AEBP2: variants seen among roughly 807,000 people sequenced by gnomAD.
AEBP2 encodes AE binding protein 2.
In AEBP2, 10 loss-of-function variants were observed where a neutral mutation model predicts 50.8. That is an observed-to-expected ratio of 0.20 (90% confidence interval 0.12 to 0.33). The LOEUF (loss-of-function observed/expected upper bound fraction) is 0.33, where lower values mean the gene tolerates loss of function less well. Among genes scored for constraint, AEBP2 ranks in the 10% least tolerant of loss-of-function variants. AEBP2 has a pLI of 1.00. For synonymous variants in AEBP2, 296 were observed against 261.3 expected (o/e 1.13, Z -1.28); for missense variants, 570 against 688.0 (o/e 0.83, Z 1.92).
At chr12:19,469,712 G>T (rs1337054242) in intron 2 of AEBP2, among the ~76,000 whole-genome samples, 1 of 152,204 alleles carries the variant, frequency 6.6e-6, no homozygotes, top group Non-Finnish European at 1.5e-5. Flanking sequence ...CTCCAGAGCA[G>T]CTGGGATTCT....
chr12:19,483,353 G>C (rs1948758320), intron 3 of AEBP2, among the ~76,000 whole-genome samples: 1 of 152,114 alleles, frequency 6.6e-6, no homozygotes, highest in Non-Finnish European at 1.5e-5. Context: ...CCCATGATCT[G>C]GATTTTCAGA....
chr12:19,413,123 C>A (rs975842844), intron 1 of AEBP2: 53 of 696,390 alleles, frequency 7.6e-5, no homozygotes, highest in Non-Finnish European at 1.3e-4. Flanking sequence ...TTCCGGAATT[C>A]ATTTGTTCTG....
intron 1 of AEBP2, among the ~76,000 whole-genome samples, chr12:19,447,539 A>G (rs1318658007): frequency 6.6e-6 from 1 of 152,242 alleles, no homozygotes; most frequent in Non-Finnish European, 1.5e-5. Flanking sequence ...AACCGTCACT[A>G]GAATAACTAA....
intron 3 of AEBP2, among the ~76,000 whole-genome samples, chr12:19,478,455 C>T (rs145041258): frequency 2.6e-5 from 4 of 152,232 alleles, no homozygotes; most frequent in South Asian, 4.1e-4. Context: ...GGCCACCACA[C>T]CCAGCTAAGT....
chr12:19,503,814 G>T (rs1041349251), intron 5 of AEBP2, among the ~76,000 whole-genome samples: 2 of 151,776 alleles, frequency 1.3e-5, no homozygotes, highest in African/African-American at 4.8e-5. Context: ...GAGCCACCAC[G>T]CCCTACTGAT....
At chr12:19,509,918 C>T (rs1156524790) in intron 5 of AEBP2, among the ~76,000 whole-genome samples, 3 of 145,058 alleles carry the variant, frequency 2.1e-5, no homozygotes, top group South Asian at 2.2e-4. Flanking sequence ...CTGTAGCTTC[C>T]GCTGCCCAGG....
chr12:19,512,745 C>G (rs573879670), intron 6 of AEBP2, among the ~76,000 whole-genome samples: 3 of 151,462 alleles, frequency 2.0e-5, no homozygotes, highest in Non-Finnish European at 2.9e-5. Flanking sequence ...GCCGGCAGTT[C>G]GAGACCAGCC....
rs1947916344 is a variant in AEBP2, at chr12:19,439,940, A to C, written c.241A>C (p.Thr81Pro). The C allele has an allele frequency of 6.6e-7, 1 of 1,512,260 alleles. No homozygotes were observed. Among genetic ancestry groups the C allele is most frequent in the African/African-American group, 1.5e-5 (1 of 68,156 alleles). The allele number at this position is 1,512,260 out of a possible 1,614,324, so 93.7% of individuals were successfully genotyped here. A position where few individuals can be genotyped will look rare whatever the true frequency, so the allele number is the denominator to read the frequency against. The change falls in exon 1 of 8, where the codon ACG (threonine) becomes CCG (proline). Residue 81 changes from threonine (T) to proline (P), a missense_variant. Thr to Pro is a conservative substitution (Grantham distance 38). Transcript: ENST00000266508. ...GGGVGGGEAE[T>P]MSEPSPESAS... The stretch of plus-strand genomic sequence containing the variant: ...AGGAGTGGGGGGCGGCGAGGCAGAG[A>C]CGATGTCGGAGCCGAGCCCCGAGAG...
At chr12:19,492,506 A>G (rs1042520958) in intron 3 of AEBP2, among the ~76,000 whole-genome samples, 5 of 152,304 alleles carry the variant, frequency 3.3e-5, no homozygotes, top group African/African-American at 9.6e-5. Context: ...AACACTGAGC[A>G]TGTCTTTTCT....
chr12:19,422,856 G>A (rs979291754), intron 1 of AEBP2, among the ~76,000 whole-genome samples: 12 of 151,750 alleles, frequency 7.9e-5, no homozygotes, highest in African/African-American at 2.4e-4. Context: ...CTGAGGTCAG[G>A]AGTTCGAGAC....
chr12:19,453,161 G>A (rs981618958), intron 1 of AEBP2, among the ~76,000 whole-genome samples: 3 of 151,882 alleles, frequency 2.0e-5, no homozygotes, highest in African/African-American at 4.8e-5. Flanking sequence ...AGTAAAGATG[G>A]AGTTTCACTG....
upstream of AEBP2, among the ~76,000 whole-genome samples, chr12:19,435,220 T>C (rs957559002): frequency 1.3e-5 from 2 of 150,800 alleles, no homozygotes; most frequent in African/African-American, 4.9e-5. Flanking sequence ...TGGACCTCCC[T>C]AGGCTCAGGT....
intron 4 of AEBP2, among the ~76,000 whole-genome samples, chr12:19,498,027 T>C (rs1190002863): frequency 6.6e-6 from 1 of 152,152 alleles, no homozygotes; most frequent in Non-Finnish European, 1.5e-5. Flanking sequence ...ATAAATGCAG[T>C]GGAGATAGTG....
At chr12:19,441,447 A>G (rs148844677) in intron 1 of AEBP2, among the ~76,000 whole-genome samples, 1 of 152,326 alleles carries the variant, frequency 6.6e-6, no homozygotes, top group African/African-American at 2.4e-5. Flanking sequence ...TTTGACAATC[A>G]CATTTTTTTT....
At chr12:19,407,678 A>G (rs548638708) in intron 1 of AEBP2, among the ~76,000 whole-genome samples, 2 of 152,200 alleles carry the variant, frequency 1.3e-5, no homozygotes, top group South Asian at 2.1e-4. Flanking sequence ...GGCTCAAGCA[A>G]TCCTTCTGTC....
At chr12:19,472,421 T>G (rs926605125) in intron 2 of AEBP2, among the ~76,000 whole-genome samples, 2 of 152,166 alleles carry the variant, frequency 1.3e-5, no homozygotes, top group African/African-American at 4.8e-5. Flanking sequence ...GTTAGGAAAT[T>G]GACATGTCAC....
chr12:19,428,035 G>A (rs963139817), intron 1 of AEBP2, among the ~76,000 whole-genome samples: 1 of 151,942 alleles, frequency 6.6e-6, no homozygotes, highest in Non-Finnish European at 1.5e-5. Context: ...TCAGGAGTTC[G>A]AGACCAGCCT....
chr12:19,437,148 G>A (rs1375800442), upstream of AEBP2, among the ~76,000 whole-genome samples: 2 of 152,174 alleles, frequency 1.3e-5, no homozygotes, highest in African/African-American at 4.8e-5. Flanking sequence ...ACACAGAGAG[G>A]TCAAGACGAA....
chr12:19,505,642 G>A (rs1949145950), intron 5 of AEBP2, among the ~76,000 whole-genome samples: 2 of 152,240 alleles, frequency 1.3e-5, no homozygotes, highest in South Asian at 4.1e-4. Context: ...CAAGGGAAGA[G>A]GAGAGAGTAG....
Sources: allele counts gnomAD v4.1 joint callset (sites outside exome capture counted in the v4.1 genomes callset), GRCh38; gene constraint gnomAD v4.1.1; transcripts MANE v1.5; gene names NCBI Gene and HGNC (gene_info 2026-07-23, HGNC 2026-07-21).